The following TBCE variants were observed in gnomAD, a reference collection of about 807,000 sequenced individuals.
TBCE encodes tubulin-specific chaperone E.
TBCE carries 53 observed loss-of-function variants against 77.0 expected under a neutral mutation model. The observed-to-expected ratio is 0.69, with a 90% CI of 0.55 to 0.87. The LOEUF (loss-of-function observed/expected upper bound fraction) is 0.87. Among genes scored for constraint, TBCE ranks in the 40% least tolerant of loss-of-function variants. The pLI, the probability that TBCE is intolerant of heterozygous loss-of-function variation, is 0.00. For missense variants in TBCE, 624 were observed against 622.4 expected, an observed-to-expected ratio of 1.00 and a Z score of -0.03; for synonymous variants, 235 against 241.3, an observed-to-expected ratio of 0.97 and a Z score of 0.24.
intron 1 of TBCE, among the ~76,000 whole-genome samples, chr1:235,378,403 T>C (rs934822755): frequency 5.9e-5 from 9 of 152,016 alleles, no homozygotes; most frequent in Non-Finnish European, 1.3e-4. Flanking sequence ...GTATTTTTTT[T>C]TGGTAGAGAT....
chr1:235,371,634 C>T (rs1244397525), intron 1 of TBCE, among the ~76,000 whole-genome samples: 1 of 151,578 alleles, frequency 6.6e-6, no homozygotes, highest in African/African-American at 2.4e-5. Flanking sequence ...CCTCTGCCTC[C>T]CAAAGTGTTA....
chr1:235,384,374 T>G (rs1484340889), intron 2 of TBCE, among the ~76,000 whole-genome samples: 11 of 146,510 alleles, frequency 7.5e-5, no homozygotes, highest in South Asian at 2.2e-4. Context: ...TTGATTGGAA[T>G]AGTTTCAGAA....
chr1:235,385,239 A>G (rs935820171), intron 2 of TBCE, among the ~76,000 whole-genome samples: 14 of 152,034 alleles, frequency 9.2e-5, no homozygotes, highest in African/African-American at 3.1e-4. Flanking sequence ...ACTTCCAACT[A>G]TGTGGTCAAT....
intron 15 of TBCE, among the ~76,000 whole-genome samples, chr1:235,443,784 A>C (rs1474519146): frequency 6.6e-6 from 1 of 152,220 alleles, no homozygotes; most frequent in African/African-American, 2.4e-5. Context: ...TTTCTTTGAG[A>C]AAGCTACCTT....
At chr1:235,388,422 G>A (rs1470415304) in intron 2 of TBCE, among the ~76,000 whole-genome samples, 33 of 151,308 alleles carry the variant, frequency 2.2e-4, no homozygotes, top group Non-Finnish European at 4.4e-5. Context: ...CCGAGTAGCT[G>A]GGATTACGGG....
At chr1:235,431,444 C>A (rs1462826545) in intron 7 of TBCE, among the ~76,000 whole-genome samples, 1 of 151,976 alleles carries the variant, frequency 6.6e-6, no homozygotes, top group Non-Finnish European at 1.5e-5. Flanking sequence ...TCACTGCAAC[C>A]TTTGCCTCCC....
chr1:235,419,330 T>C (rs971373724), intron 4 of TBCE, 143 bp from the exon 5 acceptor site: 16 of 1,227,284 alleles, frequency 1.3e-5, no homozygotes, highest in Admixed American at 6.2e-5. Context: ...TAATGCTTTA[T>C]TTCTTAATTT....
chr1:235,445,476 A>G (rs1315409603), intron 15 of TBCE, among the ~76,000 whole-genome samples: 1 of 152,080 alleles, frequency 6.6e-6, no homozygotes, highest in African/African-American at 2.4e-5. Context: ...AAAAATAAAT[A>G]AATACAAAAA....
At chr1:235,393,693 C>A (rs918049961) in intron 2 of TBCE, among the ~76,000 whole-genome samples, 13 of 152,004 alleles carry the variant, frequency 8.6e-5, no homozygotes, top group African/African-American at 2.9e-4. Context: ...GGTAGCAAAT[C>A]TCTTCATAAA....
intron 1 of TBCE, among the ~76,000 whole-genome samples, chr1:235,376,033 G>A (rs755604163): frequency 2.0e-5 from 3 of 152,082 alleles, no homozygotes; most frequent in African/African-American, 4.8e-5. Flanking sequence ...GTAACAGAGC[G>A]AGACTCTTCT....
chr1:235,414,900 AG>A (rs760924221), intron 4 of TBCE: 6 of 390,068 alleles, frequency 1.5e-5, no homozygotes, highest in Non-Finnish European at 2.4e-5. Flanking sequence ...TAAGTAACCA[AG>A]GCTGACGTTT....
intron 3 of TBCE, among the ~76,000 whole-genome samples, chr1:235,408,468 G>T (rs566701430): frequency 1.3e-4 from 20 of 150,938 alleles, no homozygotes; most frequent in African/African-American, 4.9e-4. Flanking sequence ...TGTAATGATA[G>T]TATGTGGGCA....
chr1:235,404,287 AAAAATT>A lies in TBCE; in HGVS notation c.185+2703_185+2708del, dbSNP rs1427450525. ...GCAAGACTCCGGCTCAAGAAAAAAA[AAAAATT>A]AAGCAGTGTGGGGTGGTACGGGTGG... is the stretch of plus-strand genomic sequence containing the variant. On this transcript the variant is annotated intron_variant, in intron 3 of 16. Transcript: ENST00000642610. 3.5e-5 allele frequency among the ~76,000 whole-genome samples: 4 copies of A among 113,772 alleles called. No individual in the cohort carries two copies. The Admixed American group carries it at 3.8e-4, about 11-fold the overall frequency. The allele number at this position is 113,772 out of a possible 152,430, so 74.6% of individuals were successfully genotyped here.
chr1:235,450,469 T>G lies in TBCE; in HGVS notation c.*1707T>G. 8.5e-7 allele frequency: 1 copy of G among 1,182,908 alleles called. No homozygotes were observed. The highest frequency in any genetic ancestry group is 1.2e-6 in the Non-Finnish European group (1 of 843,628). 73.3% of individuals were successfully genotyped at this position (1,182,908 alleles called of 1,614,324 possible). A position where few individuals can be genotyped will look rare whatever the true frequency, so the allele number is the denominator to read the frequency against. ...ATTATTTCAAGGATAACTCCGTGTGTGGAACAACTGGTGAGGTTTGGGGGT... is the reference window on the plus strand; with the variant it reads ...ATTATTTCAAGGATAACTCCGTGTGGGGAACAACTGGTGAGGTTTGGGGGT... On this transcript the variant is annotated 3_prime_UTR_variant, in exon 17 of 17. Coordinates refer to ENST00000642610, the MANE Select transcript of TBCE (RefSeq NM_003193.5).
At chr1:235,413,152 A>G (rs1160336080) in intron 3 of TBCE, among the ~76,000 whole-genome samples, 1 of 152,128 alleles carries the variant, frequency 6.6e-6, no homozygotes, top group Non-Finnish European at 1.5e-5. Context: ...TTAAGAGTTA[A>G]TGGTTGTTGC....
intron 6 of TBCE, among the ~76,000 whole-genome samples, chr1:235,428,941 TTATGTATG>T (rs1210185541): frequency 1.3e-5 from 2 of 148,634 alleles, no homozygotes; most frequent in African/African-American, 5.0e-5. Flanking sequence ...GTGCCCAGCC[TTATGTATG>T]TATGTATATA....
In TBCE at chr1:235,438,787, C is replaced by T. The variant is rs187162634; in HGVS notation, c.1135C>T (p.Arg379Trp). Residue 379 changes from arginine (R) to tryptophan (W), a missense_variant, in exon 13 of 17, where the codon CGG becomes TGG. By Grantham distance (101) the Arg-to-Trp change is moderately radical (BLOSUM62 -3). Coordinates refer to ENST00000642610, the MANE Select transcript of TBCE (RefSeq NM_003193.5). ...NKCEILPEER[R>W]RAELDYRKAF... ...AACATAGATTCTCCCCGAGGAGAGG[C>T]GGAGAGCTGAGCTTGACTACCGAAA... 3.4e-5 allele frequency: 55 copies of T among 1,614,052 alleles called. No homozygotes were observed. In the Middle Eastern group the frequency reaches 1.3e-3, roughly 39 times the overall value.
chr1:235,427,130 G>A lies in TBCE; in HGVS notation c.461-10G>A, dbSNP rs1680767025. ...TTTTGAAATTACTGTTTCTTAACAT[G>A]TGCTTTTAGATATCAGAAAGGTAGA... is the stretch of plus-strand genomic sequence containing the variant. On this transcript the variant is annotated splice_polypyrimidine_tract_variant and intron_variant, in intron 5 of 16. Coordinates refer to ENST00000642610, the MANE Select transcript of TBCE (RefSeq NM_003193.5). 4 of 1,571,114 alleles carry A rather than the reference G, an allele frequency of 2.5e-6. No individual in the cohort carries two copies. The highest frequency in any genetic ancestry group is 1.7e-4 in the Middle Eastern group (1 of 6,008).
intron 6 of TBCE, among the ~76,000 whole-genome samples, chr1:235,428,113 A>G (rs996735543): frequency 1.3e-5 from 2 of 151,802 alleles, no homozygotes; most frequent in African/African-American, 4.8e-5. Context: ...TCATGAGGTC[A>G]GGAGATCGAG....
Sources: gnomAD v4.1 joint callset for allele counts (sites outside exome capture counted in the v4.1 genomes callset) on GRCh38, gnomAD v4.1.1 for gene constraint, MANE v1.5 for transcripts, NCBI Gene and HGNC (gene_info 2026-07-23, HGNC 2026-07-21) for gene names.